Variants in CSNK1D observed in about 807,000 individuals in gnomAD.
The protein encoded by CSNK1D is casein kinase I isoform delta.
Under a neutral mutation model 46.6 loss-of-function variants are expected in CSNK1D, and 16 were observed. The ratio of observed to expected loss-of-function variants is 0.34; its 90% confidence interval spans 0.23 to 0.52. CSNK1D has a LOEUF of 0.52. Ranked by LOEUF, CSNK1D falls within the 20% of genes least tolerant of loss-of-function variation. CSNK1D has a pLI of 0.95. For missense variants in CSNK1D, 398 were observed against 578.4 expected (o/e 0.69, Z 3.20); for synonymous variants, 276 against 228.2 (o/e 1.21, Z -1.89).
chr17:82,271,783 A>T (rs1051796560), intron 1 of CSNK1D, among the ~76,000 whole-genome samples: 1 of 152,200 alleles, frequency 6.6e-6, no homozygotes, highest in Non-Finnish European at 1.5e-5. Context: ...GGGTGTGAGA[A>T]CTGGAGACTG....
At chr17:82,258,119 A>G (rs983078922) in intron 2 of CSNK1D, among the ~76,000 whole-genome samples, 1 of 149,232 alleles carries the variant, frequency 6.7e-6, no homozygotes, top group Non-Finnish European at 1.5e-5. Context: ...AGGTGGGAGG[A>G]TGGCTTAGGC....
rs1180442296 is a variant in CSNK1D at position 82,248,883 on chromosome 17, T to C, written c.1189A>G (p.Thr397Ala). 2.5e-6 allele frequency: 4 copies of C among 1,610,442 alleles called. No homozygotes were observed. Among genetic ancestry groups the C allele is most frequent in the East Asian group, 4.5e-5 (2 of 44,798 alleles). ...GGGAGCTCTGCACCTACCTGTGAGG[T>C]GGACATGCGAGAGGTATCTTGTCGG... ...TGRQDTSRMS[T>A]SQIPGRVASS... Residue 397 changes from threonine to alanine, a missense_variant, in exon 8 of 9, where the codon ACC becomes GCC. Around this residue, in one of 2 missense-constraint regions of CSNK1D, gnomAD observed 181 missense variants for 208.0 expected, o/e 0.87. Transcript: ENST00000314028. This position sits in a 1 kb window ranked among gnomAD's most constrained non-coding sequence, Gnocchi z 4.1.
At position 82,247,271 on chromosome 17, in the gene CSNK1D, C is replaced by T. The variant is rs909330336; in HGVS notation, c.1197+1604G>A. On this transcript the variant is annotated intron_variant, in intron 8 of 8. Coordinates refer to ENST00000314028, the MANE Select transcript of CSNK1D (RefSeq NM_001893.6). The stretch of plus-strand genomic sequence containing the variant: ...TGCCACAGCTCACCATGGAAGGAGA[C>T]ACTGCTCACGGCCACCTTGGGGGCT... 3 of 985,286 alleles carry T rather than the reference C, an allele frequency of 3.0e-6. No homozygotes were observed. In the African/African-American group the frequency reaches 5.2e-5, roughly 17 times the overall value. 61.0% of individuals were successfully genotyped at this position (985,286 alleles called of 1,614,324 possible).
chr17:82,252,970 C>T lies in CSNK1D; in HGVS notation c.565+46G>A, dbSNP rs557207079. 1.2e-4 allele frequency: 185 copies of T among 1,560,196 alleles called. No individual in the cohort carries two copies. Among genetic ancestry groups the T allele is most frequent in the South Asian group, 1.9e-4 (17 of 89,610 alleles). On this transcript the variant is annotated intron_variant, in intron 4 of 8. Coordinates refer to ENST00000314028, the MANE Select transcript of CSNK1D (RefSeq NM_001893.6). The surrounding 1 kb of genome is among the most constrained non-coding windows in gnomAD (Gnocchi z 4.6). ...CTCTCCCTGGGCTGAGGCATGGACGCGCCCAAAGGCACCCCAGGTCAGTGA... is the reference window on the plus strand; with the variant it reads ...CTCTCCCTGGGCTGAGGCATGGACGTGCCCAAAGGCACCCCAGGTCAGTGA...
In CSNK1D at chr17:82,273,507, T is replaced by A. The variant is rs2051696784; in HGVS notation, c.-126A>T. On this transcript the variant is annotated 5_prime_UTR_variant, in exon 1 of 9. The change creates a new upstream start codon in the 5' untranslated region. Transcript: ENST00000314028. This position sits in a 1 kb window ranked among gnomAD's most constrained non-coding sequence, Gnocchi z 5.1. ...GGCTCCGCCCCCCTCACGGCCCCGC[T>A]TTCACCATCGCTTTCCTGTCGCCCC... is the stretch of plus-strand genomic sequence containing the variant. 1 of 1,178,272 alleles carries A rather than the reference T, an allele frequency of 8.5e-7. No individual in the cohort carries two copies. The highest frequency in any genetic ancestry group is 1.6e-5 in the African/African-American group (1 of 64,266). 73.0% of individuals were successfully genotyped at this position (1,178,272 alleles called of 1,614,324 possible). A position where few individuals can be genotyped will look rare whatever the true frequency, so the allele number is the denominator to read the frequency against.
At chr17:82,271,749 CCT>C (rs921267211) in intron 1 of CSNK1D, among the ~76,000 whole-genome samples, 1 of 152,238 alleles carries the variant, frequency 6.6e-6, no homozygotes, top group Non-Finnish European at 1.5e-5. Context: ...GGTCCTGAGT[CCT>C]CTCTCTGGTG....
Position 82,249,681 on chromosome 17 carries a change from CG to C in CSNK1D, c.886-80del. 1 of 1,533,492 alleles carries C rather than the reference CG, an allele frequency of 6.5e-7. No homozygotes were observed. The highest frequency in any genetic ancestry group is 2.4e-5 in the East Asian group (1 of 40,976). The allele number at this position is 1,533,492 out of a possible 1,614,324, so 95.0% of individuals were successfully genotyped here. ...CCTAGGTCCTAGGCTGCCCCGGCCA[CG>C]TGAGAAAATACCTACCAAAGGGCAC... is the stretch of plus-strand genomic sequence containing the variant. On this transcript the variant is annotated intron_variant, in intron 6 of 8. Coordinates refer to ENST00000314028, the MANE Select transcript of CSNK1D (RefSeq NM_001893.6). The surrounding 1 kb of genome is among the most constrained non-coding windows in gnomAD (Gnocchi z 6.7).
At chr17:82,259,892 G>C (rs1408642827) in intron 2 of CSNK1D, among the ~76,000 whole-genome samples, 2 of 152,194 alleles carry the variant, frequency 1.3e-5, no homozygotes, top group African/African-American at 2.4e-5. Context: ...TGATCCATCT[G>C]AACTGATGGT....
chr17:82,250,002 A>T lies in CSNK1D; in HGVS notation c.886-400T>A. The T allele has an allele frequency of 2.4e-6, 3 of 1,231,428 alleles. No individual in the cohort carries two copies. Among genetic ancestry groups the T allele is most frequent in the Middle Eastern group, 3.5e-4 (1 of 2,840 alleles). 76.3% of individuals were successfully genotyped at this position (1,231,428 alleles called of 1,614,324 possible). A position where few individuals can be genotyped will look rare whatever the true frequency, so the allele number is the denominator to read the frequency against. On this transcript the variant is annotated intron_variant, in intron 6 of 8. Transcript: ENST00000314028. This position sits in a 1 kb window ranked among gnomAD's most constrained non-coding sequence, Gnocchi z 4.6. The stretch of plus-strand genomic sequence containing the variant: ...CCAAATGGTGACAGCTGGGGAGGAA[A>T]GCGGGGTGGGGATGAGAGCGTTTGG...
At position 82,249,135 on chromosome 17, in the gene CSNK1D, G is replaced by T; in HGVS notation, c.1058-121C>A. On this transcript the variant is annotated intron_variant, in intron 7 of 8. Transcript: ENST00000314028. This position sits in a 1 kb window ranked among gnomAD's most constrained non-coding sequence, Gnocchi z 6.7. Reference sequence around the variant, plus strand: ...CTGCCTGGACAGTCAGGACCTGGCTGTGGCCGATGGCCACCAACACTCAGA... The same window carrying T: ...CTGCCTGGACAGTCAGGACCTGGCTTTGGCCGATGGCCACCAACACTCAGA... 1 of 1,239,972 alleles carries T rather than the reference G, an allele frequency of 8.1e-7. No individual in the cohort carries two copies. The highest frequency in any genetic ancestry group is 1.1e-6 in the Non-Finnish European group (1 of 901,258). The allele number at this position is 1,239,972 out of a possible 1,614,324, so 76.8% of individuals were successfully genotyped here. A position where few individuals can be genotyped will look rare whatever the true frequency, so the allele number is the denominator to read the frequency against.
chr17:82,247,267 G>A, intron 8 of CSNK1D: 1 of 985,442 alleles, frequency 1.0e-6, no homozygotes, highest in Non-Finnish European at 1.2e-6. Context: ...ACCATGGAAG[G>A]AGACACTGCT....
At chr17:82,244,928 C>T in intron 8 of CSNK1D, 97 bp from the exon 9 acceptor site, 1 of 1,515,676 alleles carries the variant, frequency 6.6e-7, no homozygotes, top group Non-Finnish European at 9.1e-7. Flanking sequence ...AGGGGACGCA[C>T]CGCCACCGCC....
At position 82,244,955 on chromosome 17, in the gene CSNK1D, G is replaced by A. The variant is rs1227924450; in HGVS notation, c.1198-124C>T. 18 of 1,272,926 alleles carry A rather than the reference G, an allele frequency of 1.4e-5. 1 individual carries two copies. In the Admixed American group the frequency reaches 1.7e-4, roughly 12 times the overall value. The allele number at this position is 1,272,926 out of a possible 1,614,324, so 78.9% of individuals were successfully genotyped here. ...GCCACCGCCTAGCCCCAGTCTAGAC[G>A]CCTGCGTCCCCCGCCACGCACAGGG... On this transcript the variant is annotated intron_variant, in intron 8 of 8. Coordinates refer to ENST00000314028, the MANE Select transcript of CSNK1D (RefSeq NM_001893.6).
chr17:82,245,993 T>C (rs774454768), intron 8 of CSNK1D: 27 of 1,608,168 alleles, frequency 1.7e-5, no homozygotes, highest in African/African-American at 2.7e-5. Context: ...TGCCTTCCGA[T>C]GGGAGACGAG....
At chr17:82,259,117 A>G (rs1434557927) in intron 2 of CSNK1D, among the ~76,000 whole-genome samples, 1 of 152,256 alleles carries the variant, frequency 6.6e-6, no homozygotes, top group African/African-American at 2.4e-5. Context: ...GAGGAGAATT[A>G]AGCAAATCTT....
rs2051157422 is a variant in CSNK1D, at chr17:82,255,655, A to G, written c.188-78T>C. The G allele has an allele frequency of 3.9e-5, 61 of 1,560,376 alleles. 2 individuals carry two copies. In the South Asian group the frequency reaches 6.8e-4, roughly 17 times the overall value. The stretch of plus-strand genomic sequence containing the variant: ...ACACTAAGTCTGCACTGTGCACACC[A>G]AGGGGTCATGGTGACAATCCTGAAC... On this transcript the variant is annotated intron_variant, in intron 2 of 8. Transcript: ENST00000314028. The surrounding 1 kb of genome is among the most constrained non-coding windows in gnomAD (Gnocchi z 5.9).
intron 8 of CSNK1D, chr17:82,245,901 A>T (rs1164017710): frequency 6.9e-7 from 1 of 1,458,134 alleles, no homozygotes; most frequent in Non-Finnish European, 9.4e-7. Context: ...CCCACCTGCA[A>T]GCTCCCATGG....
chr17:82,244,570 G>C lies in CSNK1D; in HGVS notation c.*211C>G. The C allele has an allele frequency of 1.3e-5, 19 of 1,489,074 alleles. No individual in the cohort carries two copies. The highest frequency in any genetic ancestry group is 1.6e-5 in the Non-Finnish European group (18 of 1,119,604). 92.2% of individuals were successfully genotyped at this position (1,489,074 alleles called of 1,614,324 possible). On this transcript the variant is annotated 3_prime_UTR_variant, in exon 9 of 9. Transcript: ENST00000314028. ...AGCCCCGTTACAACCGAGTTCACGT[G>C]GGGGGCCGCAGTGCAGCCCCAGCGG...
At position 82,248,984 on chromosome 17, in the gene CSNK1D, A is replaced by G; in HGVS notation, c.1088T>C (p.Met363Thr). Reference protein sequence around the residue: ...ANTSPRPVSGMERERKVSMRL... With the variant: ...ANTSPRPVSGTERERKVSMRL... ...CATACTCACTTTCCGCTCTCTCTCC[A>G]TGCCGGAGACGGGCCGGGGGGAGGT... The change falls in exon 8 of 9, where the codon ATG becomes ACG. Residue 363 changes from methionine (M) to threonine (T), a missense_variant. This residue lies in a region of CSNK1D where 181 missense variants were observed against 208.0 expected (regional missense o/e 0.87). Transcript: ENST00000314028. This position sits in a 1 kb window ranked among gnomAD's most constrained non-coding sequence, Gnocchi z 4.1. 5 of 1,575,586 alleles carry G rather than the reference A, an allele frequency of 3.2e-6. No homozygotes were observed. Among genetic ancestry groups the G allele is most frequent in the Non-Finnish European group, 4.3e-6 (5 of 1,159,440 alleles).
Sources: allele counts gnomAD v4.1 joint callset (sites outside exome capture counted in the v4.1 genomes callset), GRCh38; gene constraint gnomAD v4.1.1; regional missense constraint gnomAD v4.1.1; non-coding constraint Gnocchi (gnomAD v3.1); transcripts MANE v1.5; gene names NCBI Gene and HGNC (gene_info 2026-07-23, HGNC 2026-07-21).